The following PHF12 variants were observed in gnomAD, a reference collection of about 807,000 sequenced individuals.
PHF12 encodes PHD factor 1.
Under a neutral mutation model 99.8 loss-of-function variants are expected in PHF12, and 6 were observed. The ratio of observed to expected loss-of-function variants is 0.06; its 90% CI spans 0.03 to 0.12. PHF12 has a LOEUF of 0.12. PHF12 is among the 10% of genes least tolerant of loss of function. The probability of loss-of-function intolerance (pLI) is 1.00; values close to 1 mark genes in which losing one functional copy is unlikely to be tolerated. For synonymous variants in PHF12, 480 were observed against 514.9 expected, an observed-to-expected ratio of 0.93 and a Z score of 0.92; for missense variants, 954 against 1,300.1, an observed-to-expected ratio of 0.73 and a Z score of 4.09.
intron 11 of PHF12, 92 bp downstream of exon 11, chr17:28,910,134 T>A (rs753920812): frequency 6.4e-7 from 1 of 1,569,428 alleles, no homozygotes; most frequent in Admixed American, 1.7e-5. Context: ...TTTGAGATAC[T>A]GGAAGCTCAG....
At chr17:28,938,970 C>G (rs2040561947) in intron 2 of PHF12, among the ~76,000 whole-genome samples, 1 of 152,228 alleles carries the variant, frequency 6.6e-6, no homozygotes, top group South Asian at 2.1e-4. Flanking sequence ...TGTGTACACA[C>G]AAACGGTGAG....
chr17:28,950,496 G>GGTGC lies in PHF12; in HGVS notation c.67-254_67-251dup, dbSNP rs2040791017. 1.8e-6 allele frequency: 1 copy of GGTGC among 567,690 alleles called. No homozygotes were observed. The highest frequency in any genetic ancestry group is 3.1e-6 in the Non-Finnish European group (1 of 320,784). The allele number at this position is 567,690 out of a possible 1,614,324, so 35.2% of individuals were successfully genotyped here. On this transcript the variant is annotated intron_variant, in intron 1 of 14. Coordinates refer to ENST00000332830, the MANE Select transcript of PHF12 (RefSeq NM_001033561.2). The surrounding 1 kb of genome is among the most constrained non-coding windows in gnomAD (Gnocchi z 5.7). ...ATCAAGGGTAGGGGGATGGGAAGAGGGTGCGCGGTTCCCTTCTTGCCACTT... is the reference window on the plus strand; with the variant it reads ...ATCAAGGGTAGGGGGATGGGAAGAGGGTGCGTGCGCGGTTCCCTTCTTGCCACTT...
chr17:28,914,671 C>CAAAAAAAAAAAA (rs61203588), intron 7 of PHF12, among the ~76,000 whole-genome samples: 5 of 30,344 alleles, frequency 1.6e-4, no homozygotes, highest in East Asian at 1.6e-3. Flanking sequence ...GACTCCGTCT[C>CAAAAAAAAAAAA]AAAAAAAAAA....
intron 2 of PHF12, among the ~76,000 whole-genome samples, chr17:28,942,871 G>A (rs946804744): frequency 3.3e-5 from 5 of 151,958 alleles, no homozygotes; most frequent in African/African-American, 9.6e-5. Flanking sequence ...GATGGGGGAA[G>A]TGTAAAGACA....
intron 13 of PHF12, chr17:28,907,362 G>C: frequency 1.8e-6 from 1 of 561,396 alleles, no homozygotes; most frequent in South Asian, 2.1e-5. Flanking sequence ...TTGTGCCTGT[G>C]ACTAACCTCA....
intron 2 of PHF12, among the ~76,000 whole-genome samples, chr17:28,942,086 A>G (rs554393955): frequency 2.0e-4 from 30 of 152,346 alleles, no homozygotes; most frequent in Non-Finnish European, 2.6e-4. Flanking sequence ...AAGGACATGC[A>G]GAAAAGTTGA....
chr17:28,913,556 T>C (rs576305291), intron 8 of PHF12, among the ~76,000 whole-genome samples: 26 of 152,318 alleles, frequency 1.7e-4, no homozygotes, highest in African/African-American at 5.1e-4. Flanking sequence ...TATTCAGCAA[T>C]TACCCCGAGC....
At chr17:28,930,836 C>T (rs141633973) in intron 2 of PHF12, among the ~76,000 whole-genome samples, 3 of 152,190 alleles carry the variant, frequency 2.0e-5, no homozygotes, top group East Asian at 1.9e-4. Flanking sequence ...TTTGTGAGGC[C>T]GAGGTGGGTG....
At chr17:28,940,890 T>A (rs1409180206) in intron 2 of PHF12, among the ~76,000 whole-genome samples, 5 of 152,182 alleles carry the variant, frequency 3.3e-5, no homozygotes, top group Non-Finnish European at 7.3e-5. Context: ...GGTACAGCCG[T>A]GCTCCTGTCC....
In PHF12 at chr17:28,950,031, G is replaced by GCCAAGAAGCTCCAAAAGGGTCCC; in HGVS notation, c.248+11_248+33dup. ...TGAAGGAATGCGCAGAGAAGGGTCC[G>GCCAAGAAGCTCCAAAAGGGTCCC]CCAAGAAGCTCCAAAAGGGTCCCCA... is the stretch of plus-strand genomic sequence containing the variant. On this transcript the variant is annotated intron_variant, in intron 2 of 14. Transcript: ENST00000332830. The surrounding 1 kb of genome is among the most constrained non-coding windows in gnomAD (Gnocchi z 5.7). 1 of 1,536,656 alleles carries GCCAAGAAGCTCCAAAAGGGTCCC rather than the reference G, an allele frequency of 6.5e-7. No homozygotes were observed. Among genetic ancestry groups the GCCAAGAAGCTCCAAAAGGGTCCC allele is most frequent in the South Asian group, 1.2e-5 (1 of 84,254 alleles).
chr17:28,932,537 C>A (rs892577227), intron 2 of PHF12, among the ~76,000 whole-genome samples: 1 of 152,144 alleles, frequency 6.6e-6, no homozygotes, highest in African/African-American at 2.4e-5. Context: ...CTGTTTTGCT[C>A]CATATCAGAA....
rs746557371 is a variant in PHF12, at chr17:28,926,995, C to A, written c.317G>T (p.Arg106Leu). 2.9e-5 allele frequency: 47 copies of A among 1,613,994 alleles called. No individual in the cohort carries two copies. Among genetic ancestry groups the A allele is most frequent in the Non-Finnish European group, 3.9e-5 (46 of 1,179,868 alleles). ...EWMCHRCTVR[R>L]KKREQKKELG... is the part of the protein sequence containing the mutation. ...TTCAGAAAGCAGCATTATTACCTTT[C>A]GGCGAACAGTGCACCGGTGACACAT... The change falls in exon 3 of 15, where the codon CGA becomes CTA. Residue 106 changes from arginine (R) to leucine (L), a missense_variant. Arg to Leu is a moderately radical substitution (Grantham distance 102, BLOSUM62 -2). This residue lies in a region of PHF12 where 109 missense variants were observed against 145.4 expected (regional missense o/e 0.75). Coordinates refer to ENST00000332830, the MANE Select transcript of PHF12 (RefSeq NM_001033561.2).
At chr17:28,945,588 C>T (rs2040707161) in intron 2 of PHF12, among the ~76,000 whole-genome samples, 2 of 152,104 alleles carry the variant, frequency 1.3e-5, no homozygotes, top group South Asian at 2.1e-4. Context: ...AGCAAAATGC[C>T]ATAAGAAGGT....
At chr17:28,937,009 A>C (rs1326505621) in intron 2 of PHF12, among the ~76,000 whole-genome samples, 1 of 152,202 alleles carries the variant, frequency 6.6e-6, no homozygotes, top group Non-Finnish European at 1.5e-5. Context: ...ATCATGTCTC[A>C]GCCTCCTAGC....
intron 7 of PHF12, among the ~76,000 whole-genome samples, chr17:28,915,392 C>G (rs977763822): frequency 7.3e-5 from 11 of 149,682 alleles, no homozygotes; most frequent in Admixed American, 5.3e-4. Flanking sequence ...GGAGGAAGAG[C>G]AGATGTGGAG....
At chr17:28,918,555 T>G (rs956512855) in intron 6 of PHF12, among the ~76,000 whole-genome samples, 9 of 152,230 alleles carry the variant, frequency 5.9e-5, no homozygotes, top group African/African-American at 2.2e-4. Context: ...CCTTTTTAAT[T>G]TGGAAGGCTG....
intron 10 of PHF12, chr17:28,910,830 C>G (rs559554803): frequency 4.5e-5 from 19 of 418,774 alleles, no homozygotes; most frequent in Non-Finnish European, 7.7e-5. Flanking sequence ...TCCAGGTGAT[C>G]TGCCTAAAGT....
intron 2 of PHF12, among the ~76,000 whole-genome samples, chr17:28,938,155 C>A (rs1042790315): frequency 6.6e-6 from 1 of 152,160 alleles, no homozygotes; most frequent in Non-Finnish European, 1.5e-5. Context: ...ATATATTGTA[C>A]CTAAAATTCT....
In PHF12 at chr17:28,919,129, A is replaced by C. The variant is rs151327794; in HGVS notation, c.969+14T>G. The C allele has an allele frequency of 6.2e-7, 1 of 1,609,546 alleles. No individual in the cohort carries two copies. Among genetic ancestry groups the C allele is most frequent in the Non-Finnish European group, 8.5e-7 (1 of 1,176,576 alleles). On this transcript the variant is annotated intron_variant, in intron 6 of 14. Coordinates refer to ENST00000332830, the MANE Select transcript of PHF12 (RefSeq NM_001033561.2). ...TATGCCCATTGAGGACTGAATGGACACTGCTGTGCTTACCACCACATGTTC... is the reference window on the plus strand; with the variant it reads ...TATGCCCATTGAGGACTGAATGGACCCTGCTGTGCTTACCACCACATGTTC...
Sources: allele counts gnomAD v4.1 joint callset (sites outside exome capture counted in the v4.1 genomes callset), GRCh38; gene constraint gnomAD v4.1.1; regional missense constraint gnomAD v4.1.1; non-coding constraint Gnocchi (gnomAD v3.1); transcripts MANE v1.5; gene names NCBI Gene and HGNC (gene_info 2026-07-23, HGNC 2026-07-21).